DNM2: variants seen among roughly 807,000 people sequenced by gnomAD.
The protein encoded by DNM2 is dynamin 2.
A neutral mutation model predicts 99.0 loss-of-function variants in DNM2; 15 were observed. The ratio of observed to expected loss-of-function variants is 0.15; its 90% CI spans 0.10 to 0.23. The LOEUF is 0.23. Ranked by LOEUF, DNM2 falls within the 10% of genes least tolerant of loss-of-function variation. DNM2 has a pLI of 1.00. For missense variants in DNM2, 742 were observed against 1,189.4 expected, an observed-to-expected ratio of 0.62 and a Z score of 5.53; for synonymous variants, 525 against 481.2, an observed-to-expected ratio of 1.09 and a Z score of -1.19.
chr19:10,785,264 C>G (rs1458183746), intron 6 of DNM2, among the ~76,000 whole-genome samples: 1 of 152,046 alleles, frequency 6.6e-6, no homozygotes, highest in Non-Finnish European at 1.5e-5. Context: ...ACTATAGGCA[C>G]CCATCACCAC....
intron 1 of DNM2, among the ~76,000 whole-genome samples, chr19:10,753,555 G>A (rs1383492911): frequency 1.3e-5 from 2 of 151,524 alleles, no homozygotes; most frequent in East Asian, 3.9e-4. Context: ...TACATGTCTA[G>A]AAAGGACAGG....
chr19:10,823,777 C>CG lies in DNM2; in HGVS notation c.1782-11_1782-10insG, dbSNP rs2073057702. 6.2e-7 allele frequency: 1 copy of CG among 1,603,904 alleles called. No individual in the cohort carries two copies. Among genetic ancestry groups the CG allele is most frequent in the Admixed American group, 1.7e-5 (1 of 59,902 alleles). On this transcript the variant is annotated splice_polypyrimidine_tract_variant and intron_variant, in intron 16 of 20. Transcript: ENST00000389253. ...TCAAGCTTGTGCCCCTCCTTCCCCACCCCCCCGCAGAAACGTCTACAAGGA... is the reference window on the plus strand; with the variant it reads ...TCAAGCTTGTGCCCCTCCTTCCCCACGCCCCCCGCAGAAACGTCTACAAGGA...
intron 1 of DNM2, among the ~76,000 whole-genome samples, chr19:10,754,160 T>C (rs977272645): frequency 2.0e-5 from 3 of 152,186 alleles, no homozygotes; most frequent in African/African-American, 7.2e-5. Context: ...TAATGGAATG[T>C]CCACCCTGTA....
At chr19:10,782,280 C>A (rs531965846) in intron 5 of DNM2, among the ~76,000 whole-genome samples, 1 of 152,166 alleles carries the variant, frequency 6.6e-6, no homozygotes, top group Non-Finnish European at 1.5e-5. Flanking sequence ...GCGTTCCACC[C>A]GCCTCGGCCT....
chr19:10,761,533 C>T (rs1273622718), intron 2 of DNM2, among the ~76,000 whole-genome samples: 1 of 152,124 alleles, frequency 6.6e-6, no homozygotes, highest in Non-Finnish European at 1.5e-5. Context: ...CCCTTCCCTG[C>T]TAATCTGCAA....
rs758876149 is a variant in DNM2, at chr19:10,786,606, A to G, written c.892A>G (p.Ser298Gly). The G allele has an allele frequency of 6.2e-7, 1 of 1,614,096 alleles. No homozygotes were observed. The highest frequency in any genetic ancestry group is 1.7e-5 in the Admixed American group (1 of 60,006). ...HIRESLPALR[S>G]KLQSQLLSLE... Reference sequence around the variant, plus strand: ...CCGGGAGTCGCTGCCGGCCCTACGTAGCAAACTACAGAGCCAGCTGCTGTC... The same window carrying G: ...CCGGGAGTCGCTGCCGGCCCTACGTGGCAAACTACAGAGCCAGCTGCTGTC... Residue 298 changes from serine (S) to glycine (G), a missense_variant, in exon 7 of 21, where the codon AGC (serine) becomes GGC (glycine). Physicochemically the swap from Ser to Gly is moderately conservative, Grantham distance 56. Coordinates refer to ENST00000389253, the MANE Select transcript of DNM2 (RefSeq NM_001005361.3).
In DNM2 at chr19:10,775,106, C is replaced by T. The variant is rs927333543; in HGVS notation, c.386-597C>T. Among the ~76,000 whole-genome samples, 35 of 151,186 alleles carry T rather than the reference C, an allele frequency of 2.3e-4. No homozygotes were observed. The highest frequency in any genetic ancestry group is 8.0e-4 in the African/African-American group (33 of 41,062). On this transcript the variant is annotated intron_variant, in intron 3 of 20. Transcript: ENST00000389253. This position sits in a 1 kb window ranked among gnomAD's most constrained non-coding sequence, Gnocchi z 4.3. ...GTCTTTTGTTTTTGTTTTTTTGAGA[C>T]AGTCTTGCTCTGTCGCCCAGGCTGG...
intron 2 of DNM2, among the ~76,000 whole-genome samples, chr19:10,766,687 G>C (rs1449329319): frequency 6.6e-6 from 1 of 152,004 alleles, no homozygotes; most frequent in Non-Finnish European, 1.5e-5. Context: ...ACACAGGCTT[G>C]GGAGGGAGGC....
intron 1 of DNM2, among the ~76,000 whole-genome samples, chr19:10,728,892 A>C (rs1757945624): frequency 6.6e-6 from 1 of 151,264 alleles, no homozygotes; most frequent in African/African-American, 2.4e-5. Flanking sequence ...GGTTGCATTG[A>C]GCTATGATTG....
At chr19:10,756,406 C>T (rs914627832) in intron 1 of DNM2, among the ~76,000 whole-genome samples, 4 of 152,140 alleles carry the variant, frequency 2.6e-5, no homozygotes, top group Admixed American at 1.3e-4. Flanking sequence ...GAGAAAGGTT[C>T]GCTCCTTTTC....
chr19:10,825,191 A>G lies in DNM2; in HGVS notation c.2028A>G (p.Pro676=). 1 of 1,614,174 alleles carries G rather than the reference A, an allele frequency of 6.2e-7. No individual in the cohort carries two copies. Among genetic ancestry groups the G allele is most frequent in the South Asian group, 1.1e-5 (1 of 91,074 alleles). The change falls in exon 18 of 21, where the codon CCA becomes CCG. Residue 676 remains proline, a synonymous_variant. Transcript: ENST00000389253. ...IINKSIRDLM[P]KTIMHLMINN... ...ACAAGTCCATCCGCGACCTCATGCC[A>G]AAGACCATCATGCACCTCATGATCA...
chr19:10,786,807 T>C (rs941072074), intron 7 of DNM2, 101 bp downstream of exon 7: 8 of 1,569,670 alleles, frequency 5.1e-6, no homozygotes, highest in Non-Finnish European at 6.0e-6. Context: ...CGTCCACTCA[T>C]TGATTCAGCA....
chr19:10,825,291 T>C, intron 18 of DNM2, 70 bp downstream of exon 18: 1 of 1,598,116 alleles, frequency 6.3e-7, no homozygotes, highest in African/African-American at 1.3e-5. Context: ...TCCCAGCACT[T>C]TGGGAGGCCA....
At chr19:10,746,494 G>C (rs2069974973) in intron 1 of DNM2, among the ~76,000 whole-genome samples, 1 of 151,886 alleles carries the variant, frequency 6.6e-6, no homozygotes. Flanking sequence ...TGTGATCTTG[G>C]CTGACTGTAA....
intron 1 of DNM2, among the ~76,000 whole-genome samples, chr19:10,744,492 C>T (rs566883927): frequency 2.7e-4 from 41 of 152,208 alleles, no homozygotes; most frequent in African/African-American, 9.2e-4. Flanking sequence ...GGAACTAGAA[C>T]GTGTTTGCCT....
At chr19:10,792,671 G>A (rs1195994137) in intron 7 of DNM2, among the ~76,000 whole-genome samples, 3 of 151,870 alleles carry the variant, frequency 2.0e-5, no homozygotes, top group South Asian at 2.1e-4. Flanking sequence ...GCAGTGGTGC[G>A]ATCTCGGCTC....
intron 7 of DNM2, among the ~76,000 whole-genome samples, chr19:10,793,301 G>A (rs2071817842): frequency 6.6e-6 from 1 of 152,184 alleles, no homozygotes; most frequent in African/African-American, 2.4e-5. Flanking sequence ...CCATCGATGG[G>A]TCAGGACCAA....
At chr19:10,808,466 G>A (rs1599595087) in intron 13 of DNM2, 103 bp from the exon 14 acceptor site, 2 of 1,317,796 alleles carry the variant, frequency 1.5e-6, no homozygotes. Flanking sequence ...CTGTTTTTGT[G>A]CTTTTCCTGC....
chr19:10,779,875 A>T (rs1416384985), intron 5 of DNM2, among the ~76,000 whole-genome samples: 1 of 151,676 alleles, frequency 6.6e-6, no homozygotes, highest in Non-Finnish European at 1.5e-5. Context: ...GCTGGTCTTG[A>T]ACTCCTGACC....
Sources: gnomAD v4.1 joint callset for allele counts (sites outside exome capture counted in the v4.1 genomes callset) on GRCh38, gnomAD v4.1.1 for gene constraint, Gnocchi (gnomAD v3.1) non-coding constraint, MANE v1.5 for transcripts, NCBI Gene and HGNC (gene_info 2026-07-23, HGNC 2026-07-21) for gene names.